NOS2: variants seen among roughly 807,000 people sequenced by gnomAD.
NOS2 encodes the protein nitric oxide synthase, inducible.
NOS2 carries 96 observed loss-of-function variants against 136.0 expected under a neutral mutation model. The observed-to-expected ratio is 0.71, with a 90% CI of 0.60 to 0.84. The LOEUF is 0.84. Ranked by LOEUF, NOS2 falls within the 40% of genes least tolerant of loss-of-function variation. The probability of loss-of-function intolerance (pLI) is 0.00; values close to 1 mark genes in which losing one functional copy is unlikely to be tolerated. For synonymous variants in NOS2, 539 were observed against 587.5 expected (o/e 0.92, Z 1.20); for missense variants, 1,237 against 1,496.9 (o/e 0.83, Z 2.87).
At chr17:27,795,419 C>A (rs191774906) in intron 2 of NOS2, among the ~76,000 whole-genome samples, 61 of 152,340 alleles carry the variant, frequency 4.0e-4, no homozygotes, top group African/African-American at 1.4e-3. Flanking sequence ...TAAATGTTAT[C>A]TATTGTTTTT....
intron 25 of NOS2, among the ~76,000 whole-genome samples, chr17:27,759,737 CCTCTCCCCGGGCAGT>C (rs918324062): frequency 2.0e-5 from 3 of 152,178 alleles, no homozygotes; most frequent in Non-Finnish European, 4.4e-5. Context: ...GCCTGGACCA[CCTCTCCCCGGGCAGT>C]CGCGTGTCCC....
At chr17:27,762,464 A>G (rs1228845047) in intron 22 of NOS2, among the ~76,000 whole-genome samples, 1 of 152,218 alleles carries the variant, frequency 6.6e-6, no homozygotes, top group Non-Finnish European at 1.5e-5. Flanking sequence ...GAGTAGTGGG[A>G]CAGTGGAGTG....
At position 27,758,970 on chromosome 17, in the gene NOS2, G is replaced by T; in HGVS notation, c.3265C>A (p.Arg1089=). 1 of 1,613,092 alleles carries T rather than the reference G, an allele frequency of 6.2e-7. No individual in the cohort carries two copies. The highest frequency in any genetic ancestry group is 8.5e-7 in the Non-Finnish European group (1 of 1,179,616). Residue 1089 remains arginine (R), a synonymous_variant, in exon 26 of 27, where the codon CGG becomes AGG. Coordinates refer to ENST00000313735, the MANE Select transcript of NOS2 (RefSeq NM_000625.4). Reference sequence around the variant, plus strand: ...TGCTTCAGGGTGTGGGCCACGTCCCGGGCCATGCGCACATCCCCGCAAACA... The same window carrying T: ...TGCTTCAGGGTGTGGGCCACGTCCCTGGCCATGCGCACATCCCCGCAAACA... The part of the protein sequence containing the change: ...LYVCGDVRMA[R]DVAHTLKQLV...
chr17:27,785,474 CAT>C lies in NOS2; in HGVS notation c.467+2202_467+2203del, dbSNP rs200674399. Among the ~76,000 whole-genome samples the C allele has an allele frequency of 1.2e-3, 186 of 152,266 alleles. 2 individuals are homozygous for C. In the East Asian group the frequency reaches 0.027, roughly 22 times the overall value. On this transcript the variant is annotated intron_variant, in intron 5 of 26. Transcript: ENST00000313735. ...ACCTGGGGAGCTTTTGAAGCACACA[CAT>C]GTCTGCCTCATCCCCATCTCCCCAG... is the stretch of plus-strand genomic sequence containing the variant.
At chr17:27,770,608 T>C (rs1392084114) in intron 15 of NOS2, among the ~76,000 whole-genome samples, 1 of 152,254 alleles carries the variant, frequency 6.6e-6, no homozygotes, top group Non-Finnish European at 1.5e-5. Context: ...TCATTTTGTT[T>C]TCATTGAATT....
In NOS2 at chr17:27,778,748, G is replaced by T; in HGVS notation, c.1223C>A (p.Ser408Ter). ...RMGLETHKLA[S>*]LWKDQAVVEI... is the part of the protein sequence containing the mutation. Reference sequence around the variant, plus strand: ...AACGACAGCCTGGTCTTTCCAGAGCGAGGCCAGCTTGTGCGTTTCCAGGCC... The same window carrying T: ...AACGACAGCCTGGTCTTTCCAGAGCTAGGCCAGCTTGTGCGTTTCCAGGCC... Residue 408 changes from serine to a stop codon, truncating the protein, a stop_gained, in exon 11 of 27, where the codon TCG (serine) becomes TAG (stop). Coordinates refer to ENST00000313735, the MANE Select transcript of NOS2 (RefSeq NM_000625.4). LOFTEE classifies it high-confidence loss of function. 6.2e-7 allele frequency: 1 copy of T among 1,614,166 alleles called. No individual in the cohort carries two copies. The highest frequency in any genetic ancestry group is 8.5e-7 in the Non-Finnish European group (1 of 1,180,032).
At chr17:27,765,961 C>G (rs1203583235) in intron 19 of NOS2, among the ~76,000 whole-genome samples, 1 of 152,244 alleles carries the variant, frequency 6.6e-6, no homozygotes, top group African/African-American at 2.4e-5. Context: ...TTGGAGCCCC[C>G]CGAGGGCTTG....
chr17:27,785,788 T>C (rs1407933533), intron 5 of NOS2, among the ~76,000 whole-genome samples: 1 of 151,448 alleles, frequency 6.6e-6, no homozygotes, highest in Non-Finnish European at 1.5e-5. Flanking sequence ...TGAGACCCTG[T>C]CTCTACTAAA....
In NOS2 at chr17:27,765,471, C is replaced by T; in HGVS notation, c.2428+64G>A. 6 of 1,460,256 alleles carry T rather than the reference C, an allele frequency of 4.1e-6. No individual in the cohort carries two copies. In the South Asian group the frequency reaches 8.2e-5, roughly 20 times the overall value. 90.5% of individuals were successfully genotyped at this position (1,460,256 alleles called of 1,614,324 possible). On this transcript the variant is annotated intron_variant, in intron 20 of 26. Transcript: ENST00000313735. ...TGTCACCGGCAGGCCCAGGCTCAGC[C>T]CCTCAGCCAGGTGGGGCGGCCAGAG...
chr17:27,778,804 A>G lies in NOS2; in HGVS notation c.1180-13T>C. The G allele has an allele frequency of 6.2e-7, 1 of 1,613,856 alleles. No homozygotes were observed. Among genetic ancestry groups the G allele is most frequent in the Middle Eastern group, 1.6e-4 (1 of 6,062 alleles). On this transcript the variant is annotated splice_polypyrimidine_tract_variant and intron_variant, in intron 10 of 26. Transcript: ENST00000313735. ...TCCTGCCCACTTCCTACAGAGGCAG[A>G]GTGATAGCGGCGAGTCGGTCCCTGA...
At position 27,770,937 on chromosome 17, in the gene NOS2, A is replaced by G. The variant is rs1908473589; in HGVS notation, c.1785T>C (p.Asn595=). 6.2e-7 allele frequency: 1 copy of G among 1,613,906 alleles called. No individual in the cohort carries two copies. The highest frequency in any genetic ancestry group is 8.5e-7 in the Non-Finnish European group (1 of 1,179,978). ...LLLVVTSTFG[N]GDCPGNGEKL... The stretch of plus-strand genomic sequence containing the variant: ...CCTCTCCATTGCCAGGGCAGTCTCC[A>G]TTGCCAAACGTACTGGTCACCACCA... The change falls in exon 15 of 27, where the codon AAT becomes AAC. Residue 595 remains asparagine (N), a synonymous_variant. Coordinates refer to ENST00000313735, the MANE Select transcript of NOS2 (RefSeq NM_000625.4).
At chr17:27,793,602 G>A (rs1909260705) in intron 2 of NOS2, 1 of 397,584 alleles carries the variant, frequency 2.5e-6, no homozygotes, top group Non-Finnish European at 4.4e-6. Flanking sequence ...CTCTGCGCGG[G>A]CAGCAGTCAG....
intron 2 of NOS2, chr17:27,793,827 G>C (rs962267308): frequency 1.1e-5 from 4 of 371,778 alleles, no homozygotes; most frequent in Non-Finnish European, 1.9e-5. Flanking sequence ...TCACCCACGC[G>C]ATGTCCCGGG....
intron 1 of NOS2, among the ~76,000 whole-genome samples, chr17:27,799,334 A>C (rs1909457591): frequency 6.6e-6 from 1 of 152,170 alleles, no homozygotes; most frequent in South Asian, 2.1e-4. Context: ...TGGGGAAAGC[A>C]CTCAAGCTGT....
intron 2 of NOS2, among the ~76,000 whole-genome samples, chr17:27,797,960 C>G (rs1212487440): frequency 6.6e-6 from 1 of 152,096 alleles, no homozygotes; most frequent in African/African-American, 2.4e-5. Context: ...ATCATATGAA[C>G]TTCAAAGAGC....
rs370499225 is a variant in NOS2, at chr17:27,787,631, C to T, written c.467+47G>A. The T allele has an allele frequency of 2.4e-5, 34 of 1,424,144 alleles. No homozygotes were observed. The African/African-American group carries it at 4.5e-4, about 19-fold the overall frequency. 88.2% of individuals were successfully genotyped at this position (1,424,144 alleles called of 1,614,324 possible). The stretch of plus-strand genomic sequence containing the variant: ...AGGGTGATGGGTAGAGACAGGAGAG[C>T]AGGAGGAAGGGCAGGAGGCAGCGAC... On this transcript the variant is annotated intron_variant, in intron 5 of 26. Coordinates refer to ENST00000313735, the MANE Select transcript of NOS2 (RefSeq NM_000625.4).
At chr17:27,795,939 A>G (rs1278623916) in intron 2 of NOS2, among the ~76,000 whole-genome samples, 3 of 152,160 alleles carry the variant, frequency 2.0e-5, no homozygotes, top group Admixed American at 2.0e-4. Flanking sequence ...CAAAGACACA[A>G]GTCAGCCCCC....
At chr17:27,766,754 T>G (rs1908315351) in intron 18 of NOS2, among the ~76,000 whole-genome samples, 166 bp from the exon 19 acceptor site, 1 of 152,098 alleles carries the variant, frequency 6.6e-6, no homozygotes, top group Non-Finnish European at 1.5e-5. Flanking sequence ...CAAATAAAGA[T>G]CCTTGGTCCA....
At position 27,789,685 on chromosome 17, in the gene NOS2, T is replaced by C. The variant is rs187393330; in HGVS notation, c.114A>G (p.Pro38=). The C allele has an allele frequency of 4.3e-6, 7 of 1,613,216 alleles. No homozygotes were observed. The East Asian group carries it at 1.1e-4, about 26-fold the overall frequency. ...VEKAPCATSS[P]VTQDDLQYHN... is the part of the protein sequence containing the mutation. ...GATACTGAAGGTCATCCTGTGTCAC[T>C]GGACTGTGAAAGGAAACAGCTAGCA... Residue 38 remains proline, a synonymous_variant, in exon 3 of 27, where the codon CCA becomes CCG. Transcript: ENST00000313735.
Sources: allele counts gnomAD v4.1 joint callset (sites outside exome capture counted in the v4.1 genomes callset), GRCh38; gene constraint gnomAD v4.1.1; transcripts MANE v1.5; gene names NCBI Gene and HGNC (gene_info 2026-07-23, HGNC 2026-07-21).